ADGRV1: variants seen among roughly 807,000 people sequenced by gnomAD.
ADGRV1 encodes adhesion G protein-coupled receptor V1.
A neutral mutation model predicts 596.2 loss-of-function variants in ADGRV1; 359 were observed. The ratio of observed to expected loss-of-function variants is 0.60; its 90% confidence interval spans 0.55 to 0.66. ADGRV1 has a LOEUF of 0.66. Ranked by LOEUF, ADGRV1 falls within the 30% of genes least tolerant of loss-of-function variation. The pLI is 0.00. For missense variants in ADGRV1, 7,274 were observed against 7,575.6 expected (o/e 0.96, Z 1.48); for synonymous variants, 2,681 against 2,679.2 (o/e 1.00, Z -0.02).
chr5:90,800,323 A>C (rs530651472), intron 70 of ADGRV1, among the ~76,000 whole-genome samples: 3 of 152,248 alleles, frequency 2.0e-5, no homozygotes, highest in African/African-American at 7.2e-5. Context: ...ACATGAAAAA[A>C]TGCTCATCAT....
At chr5:90,675,507 T>A in intron 24 of ADGRV1, 62 bp downstream of exon 24, 2 of 1,410,022 alleles carry the variant, frequency 1.4e-6, no homozygotes, top group Non-Finnish European at 2.0e-6. Flanking sequence ...AATCCTTCTC[T>A]GGAAGGGATA....
At chr5:90,841,451 A>G (rs1765419870) in intron 78 of ADGRV1, among the ~76,000 whole-genome samples, 2 of 152,152 alleles carry the variant, frequency 1.3e-5, no homozygotes, top group South Asian at 4.1e-4. Flanking sequence ...GGCACTGAAA[A>G]CTTTCACAGA....
rs549622388 is a variant in ADGRV1, at chr5:90,615,740, A to C, written c.207+721A>C. ...TGAACGAATCCAGTGCTATAATTTT[A>C]GTTATTTGTGACATATATCTATATA... On this transcript the variant is annotated intron_variant, in intron 2 of 89. Transcript: ENST00000405460. 9.2e-5 allele frequency among the ~76,000 whole-genome samples: 14 copies of C among 152,122 alleles called. No individual in the cohort carries two copies. In the South Asian group the frequency reaches 2.9e-3, roughly 31 times the overall value.
In ADGRV1 at chr5:90,927,152, G is replaced by A. The variant is rs1410073228; in HGVS notation, c.17857-38263G>A. On this transcript the variant is annotated intron_variant, in intron 83 of 89. Coordinates refer to ENST00000405460, the MANE Select transcript of ADGRV1 (RefSeq NM_032119.4). ...AGTTCTGTAGATGTCTATTAGGTCC[G>A]CTTGGTGCAGAGCTGAGTTCAATTC... is the stretch of plus-strand genomic sequence containing the variant. Among the ~76,000 whole-genome samples the A allele has an allele frequency of 6.7e-5, 10 of 150,018 alleles. No homozygotes were observed. In the East Asian group the frequency reaches 7.8e-4, roughly 12 times the overall value.
intron 52 of ADGRV1, among the ~76,000 whole-genome samples, chr5:90,748,782 A>C (rs1240293863): frequency 1.3e-5 from 2 of 149,168 alleles, no homozygotes; most frequent in South Asian, 4.3e-4. Flanking sequence ...TCTTCATGAC[A>C]CTTATAATTG....
intron 77 of ADGRV1, among the ~76,000 whole-genome samples, 174 bp from the exon 78 acceptor site, chr5:90,840,404 A>G (rs754935972): frequency 2.0e-5 from 3 of 152,130 alleles, no homozygotes; most frequent in Admixed American, 6.5e-5. Context: ...TATCTCTCTA[A>G]TTTATCTTAG....
chr5:90,904,615 G>A (rs189810428), intron 83 of ADGRV1, among the ~76,000 whole-genome samples: 64 of 151,774 alleles, frequency 4.2e-4, no homozygotes, highest in East Asian at 1.5e-3. Context: ...CTAGAGAGTT[G>A]TGTGAGCTCC....
intron 87 of ADGRV1, among the ~76,000 whole-genome samples, chr5:91,138,772 C>CTT (rs34573065): frequency 2.6e-4 from 36 of 138,232 alleles, no homozygotes; most frequent in Non-Finnish European, 3.8e-4. Flanking sequence ...TATTGGTAAA[C>CTT]TTTTTTTTTT....
At chr5:90,713,176 A>G (rs1283078763) in intron 42 of ADGRV1, among the ~76,000 whole-genome samples, 1 of 152,108 alleles carries the variant, frequency 6.6e-6, no homozygotes, top group Non-Finnish European at 1.5e-5. Flanking sequence ...TTTTTAAAAA[A>G]AATTTTAGTT....
chr5:91,011,932 G>T (rs1461399996), intron 85 of ADGRV1, among the ~76,000 whole-genome samples: 4 of 151,832 alleles, frequency 2.6e-5, no homozygotes, highest in African/African-American at 9.7e-5. Flanking sequence ...ATTCCCCCAG[G>T]TATCTGAGCA....
chr5:90,602,621 G>A (rs1245494105), intron 1 of ADGRV1, among the ~76,000 whole-genome samples: 1 of 152,100 alleles, frequency 6.6e-6, no homozygotes, highest in Non-Finnish European at 1.5e-5. Flanking sequence ...TCAAAAATAA[G>A]AAAACTCTGA....
In ADGRV1 at chr5:90,694,658, T is replaced by C; in HGVS notation, c.7902T>C (p.Gly2634=). 1.9e-6 allele frequency: 3 copies of C among 1,610,418 alleles called. No homozygotes were observed. The highest frequency in any genetic ancestry group is 2.5e-6 in the Non-Finnish European group (3 of 1,177,964). ...TTGTTGGTGGAACAGCTACTGAAGG[T>C]TTAGATTTTATAGGTGCTGGAGAGA... ...WRVVGGTATE[G]LDFIGAGEIL... is the part of the protein sequence containing the mutation. Residue 2634 remains glycine, a synonymous_variant, in exon 33 of 90, where the codon GGT becomes GGC. Transcript: ENST00000405460.
chr5:90,865,869 C>T (rs1695223033), intron 83 of ADGRV1, among the ~76,000 whole-genome samples: 1 of 152,082 alleles, frequency 6.6e-6, no homozygotes, highest in Non-Finnish European at 1.5e-5. Context: ...TTTATAGCTC[C>T]AGTTATAGAA....
intron 83 of ADGRV1, among the ~76,000 whole-genome samples, chr5:90,943,578 CCT>C (rs1432302893): frequency 2.0e-5 from 3 of 152,132 alleles, no homozygotes; most frequent in Non-Finnish European, 2.9e-5. Context: ...CTATCAGTTT[CCT>C]TGGGCTAATG....
At chr5:90,790,009 GCTCT>G (rs1759889315) in intron 69 of ADGRV1, among the ~76,000 whole-genome samples, 158 bp downstream of exon 69, 1 of 152,134 alleles carries the variant, frequency 6.6e-6, no homozygotes, top group Non-Finnish European at 1.5e-5. Context: ...ACATCTTTGG[GCTCT>G]CTCATCAGCA....
At chr5:90,960,949 A>C (rs1207368452) in intron 83 of ADGRV1, among the ~76,000 whole-genome samples, 4 of 152,170 alleles carry the variant, frequency 2.6e-5, no homozygotes, top group Admixed American at 6.5e-5. Context: ...GAATCCCCAC[A>C]AGCAGCGCTA....
At chr5:90,596,563 G>T (rs978927680) in intron 1 of ADGRV1, among the ~76,000 whole-genome samples, 1 of 152,094 alleles carries the variant, frequency 6.6e-6, no homozygotes, top group East Asian at 1.9e-4. Flanking sequence ...AGAGGCTGGC[G>T]GATCACTCGT....
At chr5:90,871,050 C>A (rs1352834991) in intron 83 of ADGRV1, among the ~76,000 whole-genome samples, 5 of 152,062 alleles carry the variant, frequency 3.3e-5, no homozygotes, top group African/African-American at 1.2e-4. Flanking sequence ...TCTGTGATGG[C>A]CTTATATTTT....
chr5:90,703,702 T>C lies in ADGRV1; in HGVS notation c.8193T>C (p.Pro2731=), dbSNP rs1189699004. Reference sequence around the variant, plus strand: ...AATTCCATGTGATAAGAACTTTCCCTGGTCGAGGAAATGTTACTGTTAACT... The same window carrying C: ...AATTCCATGTGATAAGAACTTTCCCCGGTCGAGGAAATGTTACTGTTAACT... ...ILQFHVIRTF[P]GRGNVTVNWK... Residue 2731 remains proline, a synonymous_variant, in exon 35 of 90, where the codon CCT becomes CCC. Transcript: ENST00000405460. 2 of 1,605,742 alleles carry C rather than the reference T, an allele frequency of 1.2e-6. No homozygotes were observed. The highest frequency in any genetic ancestry group is 1.7e-6 in the Non-Finnish European group (2 of 1,174,900).
Sources: gnomAD v4.1 joint callset for allele counts (sites outside exome capture counted in the v4.1 genomes callset) on GRCh38, gnomAD v4.1.1 for gene constraint, MANE v1.5 for transcripts, NCBI Gene and HGNC (gene_info 2026-07-23, HGNC 2026-07-21) for gene names.